DNM3: variants seen among roughly 807,000 people sequenced by gnomAD.
DNM3 encodes the protein dynamin-3.
In DNM3, 47 loss-of-function variants were observed where a neutral mutation model predicts 101.6. The ratio of observed to expected loss-of-function variants is 0.46; its 90% confidence interval spans 0.37 to 0.59. The LOEUF is 0.59. Among genes scored for constraint, DNM3 ranks in the 20% least tolerant of loss-of-function variants. The pLI is 0.00. For missense variants in DNM3, 849 were observed against 1,085.7 expected (o/e 0.78, Z 3.06); for synonymous variants, 385 against 387.9 (o/e 0.99, Z 0.09).
At chr1:172,087,435 T>C (rs775104311) in intron 12 of DNM3, among the ~76,000 whole-genome samples, 12 of 152,242 alleles carry the variant, frequency 7.9e-5, no homozygotes, top group Non-Finnish European at 1.3e-4. Flanking sequence ...TTCACTGGAC[T>C]ATGTACCATA....
At chr1:172,020,032 A>G (rs2047727281) in intron 4 of DNM3, among the ~76,000 whole-genome samples, 1 of 151,644 alleles carries the variant, frequency 6.6e-6, no homozygotes, top group Admixed American at 6.6e-5. Flanking sequence ...TCGCCTTTTA[A>G]TATGCCTTGT....
chr1:171,961,417 T>G (rs1295051808), intron 2 of DNM3, among the ~76,000 whole-genome samples: 1 of 152,138 alleles, frequency 6.6e-6, no homozygotes, highest in African/African-American at 2.4e-5. Flanking sequence ...TCCCATACTG[T>G]ACTCAGAACT....
At chr1:172,353,724 G>C (rs1219669902) in intron 17 of DNM3, among the ~76,000 whole-genome samples, 1 of 152,000 alleles carries the variant, frequency 6.6e-6, no homozygotes, top group Non-Finnish European at 1.5e-5. Context: ...TTGACTCTTA[G>C]CTTTTGAAAA....
intron 16 of DNM3, among the ~76,000 whole-genome samples, chr1:172,319,080 G>C (rs566424408): frequency 6.6e-6 from 1 of 151,872 alleles, no homozygotes; most frequent in Middle Eastern, 3.2e-3. Context: ...CAGAAATAAC[G>C]CCGCATATCT....
At chr1:172,003,184 A>C (rs1202434468) in intron 4 of DNM3, among the ~76,000 whole-genome samples, 1 of 151,960 alleles carries the variant, frequency 6.6e-6, no homozygotes. Context: ...TTCAAGGTAA[A>C]AGTGTTTAAT....
At chr1:171,951,080 A>G (rs2042493497) in intron 2 of DNM3, among the ~76,000 whole-genome samples, 1 of 152,146 alleles carries the variant, frequency 6.6e-6, no homozygotes, top group African/African-American at 2.4e-5. Context: ...ATGACTAATT[A>G]CATACATTTT....
intron 14 of DNM3, among the ~76,000 whole-genome samples, chr1:172,175,023 T>C (rs2059105875): frequency 6.6e-6 from 1 of 151,686 alleles, no homozygotes; most frequent in African/African-American, 2.4e-5. Flanking sequence ...ATTTAGTTCA[T>C]TGAAGCATAC....
intron 1 of DNM3, among the ~76,000 whole-genome samples, chr1:171,844,040 A>C (rs1174597425): frequency 6.6e-6 from 1 of 152,230 alleles, no homozygotes; most frequent in African/African-American, 2.4e-5. Context: ...CAGAGCTTAC[A>C]TATTAAGGAG....
chr1:172,278,887 T>G (rs2063385482), intron 15 of DNM3, among the ~76,000 whole-genome samples: 1 of 152,182 alleles, frequency 6.6e-6, no homozygotes, highest in African/African-American at 2.4e-5. Flanking sequence ...CTATTATCAC[T>G]GCGACTTTTC....
intron 14 of DNM3, among the ~76,000 whole-genome samples, chr1:172,192,219 C>T (rs2761188): frequency 0.49 from 74,312 of 151,802 alleles, 19,889 homozygotes; most frequent in African/African-American, 0.71. Flanking sequence ...TGTTGAATTT[C>T]GTCAAAGGCC....
intron 4 of DNM3, among the ~76,000 whole-genome samples, chr1:172,019,707 A>G (rs961402424): frequency 4.0e-5 from 6 of 151,756 alleles, no homozygotes; most frequent in Non-Finnish European, 7.4e-5. Context: ...CTATTGAAAT[A>G]TGCTCAAGCT....
intron 14 of DNM3, among the ~76,000 whole-genome samples, chr1:172,167,828 G>C (rs2058805904): frequency 2.0e-5 from 3 of 151,948 alleles, no homozygotes; most frequent in Non-Finnish European, 4.4e-5. Flanking sequence ...CAATTATTTA[G>C]TTCATGTTGC....
At chr1:171,871,864 G>GT (rs57412557) in intron 1 of DNM3, among the ~76,000 whole-genome samples, 64,470 of 136,254 alleles carry the variant, frequency 0.47, 15,271 homozygotes, top group African/African-American at 0.59. Context: ...TTGTTGTCTT[G>GT]TTTTTTTTTT....
At chr1:172,137,546 A>T (rs1277502658) in intron 14 of DNM3, 3 of 152,188 alleles carry the variant, frequency 2.0e-5, no homozygotes, top group Non-Finnish European at 4.4e-5. Context: ...ACTCACTGGG[A>T]TCTTAGCTTT....
chr1:171,997,126 T>C (rs2046051317), intron 4 of DNM3, among the ~76,000 whole-genome samples: 1 of 152,194 alleles, frequency 6.6e-6, no homozygotes, highest in South Asian at 2.1e-4. Context: ...TACCAGGCTT[T>C]GTTATTTTAT....
chr1:171,932,531 T>A (rs574973970), intron 2 of DNM3, among the ~76,000 whole-genome samples: 2,329 of 152,296 alleles, frequency 0.015, 26 homozygotes, highest in Non-Finnish European at 0.023. Context: ...GGCATCCTAT[T>A]AAAATTTTTG....
At chr1:172,337,103 A>G (rs2066467258) in intron 17 of DNM3, among the ~76,000 whole-genome samples, 1 of 152,136 alleles carries the variant, frequency 6.6e-6, no homozygotes, top group Non-Finnish European at 1.5e-5. Flanking sequence ...TCTGACTCCC[A>G]ATGTTATCCT....
rs1284547239 is a variant in DNM3 at position 172,042,134 on chromosome 1, A to T, written c.1118A>T (p.Glu373Val). ...ATTTTTCATGAACGCTTTCCTTTTGAGATAGTAAAGGTTTGTGTCAAACGT... is the reference window on the plus strand; with the variant it reads ...ATTTTTCATGAACGCTTTCCTTTTGTGATAGTAAAGGTTTGTGTCAAACGT... ...NRIFHERFPF[E>V]IVKMEFNEKE... Residue 373 changes from glutamate (E) to valine (V), a missense_variant, in exon 8 of 21, where the codon GAG becomes GTG. By Grantham distance (121) the Glu-to-Val change is moderately radical (BLOSUM62 -2). Transcript: ENST00000627582. 1.1e-5 allele frequency: 18 copies of T among 1,602,052 alleles called. No individual in the cohort carries two copies. Among genetic ancestry groups the T allele is most frequent in the Non-Finnish European group, 1.5e-5 (18 of 1,176,812 alleles).
chr1:172,357,429 C>T (rs2067511594), intron 17 of DNM3, among the ~76,000 whole-genome samples: 1 of 152,054 alleles, frequency 6.6e-6, no homozygotes. Flanking sequence ...GAGAAAGACA[C>T]ACCATTTATG....
Sources: allele counts gnomAD v4.1 joint callset (sites outside exome capture counted in the v4.1 genomes callset), GRCh38; gene constraint gnomAD v4.1.1; transcripts MANE v1.5; gene names NCBI Gene and HGNC (gene_info 2026-07-23, HGNC 2026-07-21).